The following PABPC4L variants were observed in gnomAD, a reference collection of about 807,000 sequenced individuals.
PABPC4L encodes polyadenylate-binding protein 4-like.
For synonymous variants in PABPC4L, 169 were observed against 164.1 expected, an observed-to-expected ratio of 1.03 and a Z score of -0.23; for missense variants, 452 against 451.4, an observed-to-expected ratio of 1.00 and a Z score of -0.01.
chr4:134,111,007 A>G, the PABPC4L span, among the ~76,000 whole-genome samples: 1 of 152,032 alleles, frequency 6.6e-6, no homozygotes, highest in Non-Finnish European at 1.5e-5. Flanking sequence ...CTACTACAAA[A>G]TATCTGAGAT....
the PABPC4L span, among the ~76,000 whole-genome samples, chr4:133,955,337 A>G: frequency 6.6e-6 from 1 of 152,104 alleles, no homozygotes; most frequent in African/African-American, 2.4e-5. Context: ...TAAAGTCAAT[A>G]TGCTAATATT....
the PABPC4L span, among the ~76,000 whole-genome samples, chr4:134,121,785 C>A: frequency 6.6e-6 from 1 of 151,712 alleles, no homozygotes; most frequent in Non-Finnish European, 1.5e-5. Flanking sequence ...TTTGTGGTTA[C>A]CTTTTCTATA....
Position 134,197,678 on chromosome 4 carries a change from A to T in PABPC4L, c.*2229T>A, listed in dbSNP as rs1424378137. On this transcript the variant is annotated 3_prime_UTR_variant, in exon 2 of 2. Transcript: ENST00000421491. ...TTAACTTATAAGTATGAAAATACAA[A>T]TGGTCAGTGAGTACACAAATACTGT... is the stretch of plus-strand genomic sequence containing the variant. The T allele has an allele frequency of 6.6e-6, 1 of 151,822 alleles. No individual in the cohort carries two copies. Among genetic ancestry groups the T allele is most frequent in the Non-Finnish European group, 1.5e-5 (1 of 67,704 alleles). 9.4% of individuals were successfully genotyped at this position (151,822 alleles called of 1,614,324 possible).
At chr4:134,021,510 A>G in the PABPC4L span, among the ~76,000 whole-genome samples, 4 of 152,140 alleles carry the variant, frequency 2.6e-5, no homozygotes, top group Admixed American at 6.6e-5. Flanking sequence ...AGTAAACATA[A>G]AGTAATTTTG....
chr4:134,048,447 C>T, the PABPC4L span, among the ~76,000 whole-genome samples: 2 of 152,008 alleles, frequency 1.3e-5, no homozygotes, highest in African/African-American at 4.8e-5. Context: ...TTTTTCCTAC[C>T]TAAACTGGAG....
chr4:134,093,520 A>G, the PABPC4L span, among the ~76,000 whole-genome samples: 1 of 150,336 alleles, frequency 6.7e-6, no homozygotes, highest in African/African-American at 2.4e-5. Context: ...TCGTAGTGAT[A>G]CATTAAAGTC....
chr4:134,031,000 C>G, the PABPC4L span, among the ~76,000 whole-genome samples: 54 of 152,168 alleles, frequency 3.5e-4, no homozygotes, highest in African/African-American at 1.3e-3. Flanking sequence ...ATTAATATTT[C>G]ATGCACATGC....
the PABPC4L span, among the ~76,000 whole-genome samples, chr4:134,147,752 T>TGTGTG: frequency 8.2e-6 from 1 of 122,298 alleles, no homozygotes; most frequent in African/African-American, 3.1e-5. Flanking sequence ...TGTGTGTGTG[T>TGTGTG]TGTTGTTGTT....
chr4:134,183,560 GAC>G, the PABPC4L span, among the ~76,000 whole-genome samples: 2 of 151,002 alleles, frequency 1.3e-5, no homozygotes, highest in African/African-American at 4.9e-5. Context: ...AAACCCCTGA[GAC>G]ACAAAATTTA....
chr4:134,079,286 A>T, the PABPC4L span, among the ~76,000 whole-genome samples: 12 of 150,956 alleles, frequency 7.9e-5, no homozygotes, highest in South Asian at 2.1e-4. Flanking sequence ...GTAACATTTT[A>T]AAAAAAATTG....
chr4:134,172,547 C>T, the PABPC4L span, among the ~76,000 whole-genome samples: 2 of 152,080 alleles, frequency 1.3e-5, no homozygotes, highest in Non-Finnish European at 2.9e-5. Flanking sequence ...AAACCTAAAA[C>T]TATATAAATT....
At chr4:133,960,557 G>A in the PABPC4L span, among the ~76,000 whole-genome samples, 1 of 152,174 alleles carries the variant, frequency 6.6e-6, no homozygotes, top group East Asian at 1.9e-4. Context: ...GACCAGTCGA[G>A]AAGCCTCCTG....
the PABPC4L span, among the ~76,000 whole-genome samples, chr4:134,036,392 A>G: frequency 0.19 from 28,544 of 152,026 alleles, 3,319 homozygotes; most frequent in Middle Eastern, 0.26. Context: ...CTGCATACCA[A>G]GCTTCAAACA....
the PABPC4L span, among the ~76,000 whole-genome samples, chr4:133,955,561 C>T: frequency 6.6e-6 from 1 of 151,686 alleles, no homozygotes; most frequent in African/African-American, 2.4e-5. Context: ...ACATATAATC[C>T]ATAGGTTTAA....
chr4:134,194,964 A>C (rs7686215), downstream of PABPC4L, among the ~76,000 whole-genome samples: 45 of 151,918 alleles, frequency 3.0e-4, no homozygotes, highest in African/African-American at 1.1e-3. Context: ...GCATTTACCA[A>C]TATCTTTTTA....
the PABPC4L span, among the ~76,000 whole-genome samples, chr4:134,006,532 T>G: frequency 1.3e-5 from 2 of 152,050 alleles, no homozygotes; most frequent in East Asian, 3.9e-4. Flanking sequence ...TTTGTCTCTT[T>G]CTGCCTACAG....
chr4:134,100,895 G>A, the PABPC4L span, among the ~76,000 whole-genome samples: 11 of 151,408 alleles, frequency 7.3e-5, no homozygotes, highest in African/African-American at 2.7e-4. Context: ...AGCTTTAATG[G>A]AGAATTTATT....
At chr4:134,153,635 ATTCT>A in the PABPC4L span, among the ~76,000 whole-genome samples, 2 of 148,078 alleles carry the variant, frequency 1.4e-5, no homozygotes, top group Non-Finnish European at 3.0e-5. Context: ...AAGCATATTT[ATTCT>A]TTCTTTCTTT....
At chr4:133,991,114 G>A in the PABPC4L span, among the ~76,000 whole-genome samples, 1 of 152,100 alleles carries the variant, frequency 6.6e-6, no homozygotes, top group Non-Finnish European at 1.5e-5. Context: ...TTGCAACATA[G>A]AATTACTAAA....
Sources: gnomAD v4.1 joint callset for allele counts (sites outside exome capture counted in the v4.1 genomes callset) on GRCh38, gnomAD v4.1.1 for gene constraint, MANE v1.5 for transcripts, NCBI Gene and HGNC (gene_info 2026-07-23, HGNC 2026-07-21) for gene names.